The following ZNF69 variants were observed in gnomAD, a reference collection of about 807,000 sequenced individuals.
ZNF69 encodes the protein ZNF3.
ZNF69 carries 47 observed loss-of-function variants against 50.9 expected under a neutral mutation model. That is an observed-to-expected ratio of 0.92 (90% confidence interval 0.73 to 1.18). The LOEUF (loss-of-function observed/expected upper bound fraction) is 1.18, where lower values mean the gene tolerates loss of function less well. ZNF69 is among the 50% of genes most tolerant of loss of function. ZNF69 has a pLI of 0.00. For synonymous variants in ZNF69, 216 were observed against 223.1 expected (o/e 0.97, Z 0.29); for missense variants, 717 against 675.1 (o/e 1.06, Z -0.69).
rs1288063653 is a variant in ZNF69, at chr19:11,905,811, C to T, written c.1414C>T (p.His472Tyr). 6.2e-7 allele frequency: 1 copy of T among 1,613,758 alleles called. No individual in the cohort carries two copies. Among genetic ancestry groups the T allele is most frequent in the South Asian group, 1.1e-5 (1 of 91,072 alleles). The change falls in exon 4 of 4, where the codon CAC becomes TAC. Residue 472 changes from histidine (H) to tyrosine (Y), a missense_variant. Physicochemically the swap from His to Tyr is moderately conservative, Grantham distance 83. Transcript: ENST00000429654. ...AAGGACACAAACACACGTAAGAATA[C>T]ACTCTGGAGAAAGACCTTATAAATG... ...HERTQTHVRIHSGERPYKCKL... is the reference protein window; with the variant it reads ...HERTQTHVRIYSGERPYKCKL...
chr19:11,923,742 T>C, the ZNF69 span, among the ~76,000 whole-genome samples: 1 of 152,214 alleles, frequency 6.6e-6, no homozygotes, highest in East Asian at 1.9e-4. Context: ...GCTGGTGTCT[T>C]ATTTACACAA....
At chr19:11,978,229 A>C in the ZNF69 span, 1 of 1,614,088 alleles carries the variant, frequency 6.2e-7, no homozygotes. Context: ...GCTTCTCCTG[A>C]AGCAAAATCA....
chr19:11,928,657 G>A, the ZNF69 span, among the ~76,000 whole-genome samples: 3 of 145,478 alleles, frequency 2.1e-5, no homozygotes, highest in Non-Finnish European at 3.0e-5. Flanking sequence ...GCGTGAACCC[G>A]GGAGGCGGAG....
chr19:11,979,010 C>A, the ZNF69 span: 1 of 1,614,200 alleles, frequency 6.2e-7, no homozygotes, highest in East Asian at 2.2e-5. Context: ...AAAGGACCCA[C>A]TCTGCGAAAA....
chr19:11,916,670 GTAGA>G (rs1275849300), downstream of ZNF69, among the ~76,000 whole-genome samples: 1 of 152,166 alleles, frequency 6.6e-6, no homozygotes, highest in Non-Finnish European at 1.5e-5. Context: ...GCATGCTTTG[GTAGA>G]TAGATATTTC....
chr19:11,978,207 C>T, the ZNF69 span: 2 of 1,613,720 alleles, frequency 1.2e-6, no homozygotes, highest in African/African-American at 1.3e-5. Context: ...GCTGAACTTC[C>T]AGGAGAAGAA....
chr19:11,925,017 G>A, the ZNF69 span: 4 of 543,726 alleles, frequency 7.4e-6, no homozygotes, highest in Admixed American at 3.3e-5. Flanking sequence ...TCACTCAGAT[G>A]TGGGGGGCGG....
At chr19:11,952,660 T>A in the ZNF69 span, among the ~76,000 whole-genome samples, 2 of 152,226 alleles carry the variant, frequency 1.3e-5, no homozygotes, top group African/African-American at 4.8e-5. Flanking sequence ...AAACCCTATC[T>A]GTGTGTGGAG....
chr19:11,957,011 C>T, the ZNF69 span, among the ~76,000 whole-genome samples: 1 of 152,218 alleles, frequency 6.6e-6, no homozygotes, highest in Admixed American at 6.5e-5. Context: ...CAGTGATGCC[C>T]TCCGCAAGTG....
In ZNF69 at chr19:11,887,831, C is replaced by A; in HGVS notation, c.-93C>A. 8.6e-7 allele frequency: 1 copy of A among 1,168,726 alleles called. No homozygotes were observed. Among genetic ancestry groups the A allele is most frequent in the Non-Finnish European group, 1.2e-6 (1 of 801,270 alleles). The allele number at this position is 1,168,726 out of a possible 1,614,324, so 72.4% of individuals were successfully genotyped here. On this transcript the variant is annotated 5_prime_UTR_variant, in exon 1 of 4. Coordinates refer to ENST00000429654, the MANE Select transcript of ZNF69 (RefSeq NM_001364730.1). ...GTCGCATTCCTTACCTCACCTTTGT[C>A]CCTGCGCGGGCTGCGGCTGGGATCC...
intron 1 of ZNF69, among the ~76,000 whole-genome samples, chr19:11,898,309 G>A (rs1376002539): frequency 6.6e-6 from 1 of 150,590 alleles, no homozygotes; most frequent in Non-Finnish European, 1.5e-5. Context: ...TAGAACAGTG[G>A]TTATTTCCCC....
the ZNF69 span, chr19:11,978,786 C>CA: frequency 6.2e-7 from 1 of 1,614,088 alleles, no homozygotes; most frequent in Non-Finnish European, 8.5e-7. Flanking sequence ...TGAATGTAAA[C>CA]AATGTGGCAA....
rs182513978 is a variant in ZNF69 at position 11,905,912 on chromosome 19, C to G, written c.1515C>G (p.Leu505=). The G allele has an allele frequency of 1.2e-6, 2 of 1,613,978 alleles. No individual in the cohort carries two copies. The highest frequency in any genetic ancestry group is 1.7e-5 in the Admixed American group (1 of 59,974). Residue 505 remains leucine, a synonymous_variant, in exon 4 of 4, where the codon CTC becomes CTG. Transcript: ENST00000429654. ...AAAAAACTCACACTGGAGAGAAACT[C>G]TATGAATGCAAGCAATGTGGTGAAG... is the stretch of plus-strand genomic sequence containing the variant. ...RHEKTHTGEK[L]YECKQCGEAF...
the ZNF69 span, chr19:11,979,329 T>C: frequency 6.2e-7 from 1 of 1,608,442 alleles, no homozygotes; most frequent in Non-Finnish European, 8.5e-7. Context: ...TTCGAAGGCA[T>C]GGTAGGACTC....
At chr19:11,912,290 G>C (rs1376798220) in intron 4 of ZNF69, among the ~76,000 whole-genome samples, 1 of 152,188 alleles carries the variant, frequency 6.6e-6, no homozygotes, top group Non-Finnish European at 1.5e-5. Flanking sequence ...GTGAATGTAA[G>C]CATTGTGGGA....
the ZNF69 span, among the ~76,000 whole-genome samples, chr19:11,959,407 T>C: frequency 6.6e-6 from 1 of 152,374 alleles, no homozygotes; most frequent in African/African-American, 2.4e-5. Flanking sequence ...TCTCACTTAT[T>C]TTTGATATGC....
At chr19:11,901,079 T>G (rs1029173974) in intron 1 of ZNF69, among the ~76,000 whole-genome samples, 3 of 152,238 alleles carry the variant, frequency 2.0e-5, no homozygotes, top group Admixed American at 1.3e-4. Context: ...CCACCATGCC[T>G]AATTTTTTAC....
chr19:11,975,309 G>A, the ZNF69 span, among the ~76,000 whole-genome samples: 13 of 151,992 alleles, frequency 8.6e-5, no homozygotes, highest in South Asian at 2.7e-3. Flanking sequence ...AACCTCAGAT[G>A]ATTTCCGCCC....
At chr19:11,912,979 C>T (rs774804744) in intron 4 of ZNF69, among the ~76,000 whole-genome samples, 5 of 152,134 alleles carry the variant, frequency 3.3e-5, no homozygotes, top group Admixed American at 1.3e-4. Context: ...AGGCAGATCA[C>T]GAGGCCAGGA....
Sources: allele counts gnomAD v4.1 joint callset (sites outside exome capture counted in the v4.1 genomes callset), GRCh38; gene constraint gnomAD v4.1.1; transcripts MANE v1.5; gene names NCBI Gene and HGNC (gene_info 2026-07-23, HGNC 2026-07-21).